Variants in NEMP2 observed in about 807,000 individuals in gnomAD.
NEMP2 encodes nuclear envelope integral membrane protein 2, also known as UPF0571 transmembrane protein.
In NEMP2, 53 loss-of-function variants were observed where a neutral mutation model predicts 54.2. The observed-to-expected ratio is 0.98, with a 90% CI of 0.78 to 1.23. NEMP2 has a LOEUF of 1.23. Among genes scored for constraint, NEMP2 ranks in the 50% most tolerant of loss-of-function variants. The pLI is 0.00. For missense variants in NEMP2, 455 were observed against 511.3 expected (o/e 0.89, Z 1.06); for synonymous variants, 197 against 190.3 (o/e 1.04, Z -0.29).
chr2:190,566,170 A>C, the NEMP2 span, among the ~76,000 whole-genome samples: 2 of 152,242 alleles, frequency 1.3e-5, no homozygotes, highest in African/African-American at 4.8e-5. Context: ...ATAATGGTCC[A>C]TCACAAACAT....
the NEMP2 span, among the ~76,000 whole-genome samples, chr2:190,564,296 C>T: frequency 6.6e-6 from 1 of 152,056 alleles, no homozygotes; most frequent in African/African-American, 2.4e-5. The surrounding 1 kb of genome is among the most constrained non-coding windows in gnomAD (Gnocchi z 4.2). Flanking sequence ...AACCATTTGT[C>T]CTTCTCTTTT....
chr2:190,523,741 G>A lies in NEMP2; in HGVS notation c.213+1522C>T, dbSNP rs1314564977. On this transcript the variant is annotated intron_variant, in intron 2 of 8. Transcript: ENST00000409150. The surrounding 1 kb of genome is among the most constrained non-coding windows in gnomAD (Gnocchi z 5.3). ...GAAGGACACAGGAGCTAGTTTGAAGGGGCCCTGACTGGCTAAATCTAGGAC... is the reference window on the plus strand; with the variant it reads ...GAAGGACACAGGAGCTAGTTTGAAGAGGCCCTGACTGGCTAAATCTAGGAC... Among the ~76,000 whole-genome samples the A allele has an allele frequency of 1.3e-5, 2 of 152,090 alleles. No individual in the cohort carries two copies. Among genetic ancestry groups the A allele is most frequent in the Non-Finnish European group, 2.9e-5 (2 of 68,014 alleles).
chr2:190,500,318 C>A, downstream of NEMP2: 2 of 1,218,778 alleles, frequency 1.6e-6, no homozygotes, highest in Non-Finnish European at 2.4e-6. This position sits in a 1 kb window ranked among gnomAD's most constrained non-coding sequence, Gnocchi z 5.3. Flanking sequence ...TGGAGGAGCA[C>A]AGCACTGCAT....
At chr2:190,643,506 A>G in the NEMP2 span, among the ~76,000 whole-genome samples, 1 of 152,230 alleles carries the variant, frequency 6.6e-6, no homozygotes, top group Non-Finnish European at 1.5e-5. Context: ...TTACCTAAAC[A>G]GGTAATTTTA....
chr2:190,502,797 G>C (rs571989187), downstream of NEMP2, among the ~76,000 whole-genome samples: 12 of 152,352 alleles, frequency 7.9e-5, no homozygotes, highest in East Asian at 5.8e-4. The surrounding 1 kb of genome is among the most constrained non-coding windows in gnomAD (Gnocchi z 4.4). Context: ...TTGGGTGCTT[G>C]TAGTGTGCTG....
chr2:190,583,047 A>G, the NEMP2 span, among the ~76,000 whole-genome samples: 1 of 152,182 alleles, frequency 6.6e-6, no homozygotes, highest in Admixed American at 6.6e-5. Flanking sequence ...GTGAGAAGTC[A>G]TAGATTATAA....
chr2:190,529,871 C>A lies in NEMP2; in HGVS notation c.98-4493G>T, dbSNP rs1691079363. 1.3e-5 allele frequency among the ~76,000 whole-genome samples: 2 copies of A among 152,186 alleles called. No homozygotes were observed. The highest frequency in any genetic ancestry group is 6.5e-5 in the Admixed American group (1 of 15,288). ...TGCCACTGCCATCCCATTTACAGAA[C>A]TGACAAAGCATGAGGGCCAGTCTGG... is the stretch of plus-strand genomic sequence containing the variant. On this transcript the variant is annotated intron_variant, in intron 1 of 8. Coordinates refer to ENST00000409150, the MANE Select transcript of NEMP2 (RefSeq NM_001142645.2). This position sits in a 1 kb window ranked among gnomAD's most constrained non-coding sequence, Gnocchi z 4.7.
chr2:190,600,347 T>G, the NEMP2 span, among the ~76,000 whole-genome samples: 148 of 152,290 alleles, frequency 9.7e-4, no homozygotes, highest in African/African-American at 3.3e-3. The surrounding 1 kb of genome is among the most constrained non-coding windows in gnomAD (Gnocchi z 4.9). Context: ...GTGTTAGTCT[T>G]AGAATGAGGC....
the NEMP2 span, among the ~76,000 whole-genome samples, chr2:190,552,015 G>A: frequency 7.9e-5 from 12 of 152,264 alleles, no homozygotes; most frequent in South Asian, 8.3e-4. Context: ...AAGGGAGCCC[G>A]GGCAGGTCAT....
At chr2:190,490,380 G>A in the NEMP2 span, among the ~76,000 whole-genome samples, 1 of 151,938 alleles carries the variant, frequency 6.6e-6, no homozygotes, top group African/African-American at 2.4e-5. The surrounding 1 kb of genome is among the most constrained non-coding windows in gnomAD (Gnocchi z 4.5). Flanking sequence ...TGGCTAACAC[G>A]GTGAAACCCC....
the NEMP2 span, among the ~76,000 whole-genome samples, chr2:190,472,286 T>C: frequency 2.6e-5 from 4 of 151,972 alleles, no homozygotes; most frequent in Non-Finnish European, 5.9e-5. Flanking sequence ...ATCAAACTAC[T>C]CCGAGCTAAA....
chr2:190,615,220 G>A, the NEMP2 span, among the ~76,000 whole-genome samples: 3 of 152,112 alleles, frequency 2.0e-5, no homozygotes, highest in Non-Finnish European at 4.4e-5. The surrounding 1 kb of genome is among the most constrained non-coding windows in gnomAD (Gnocchi z 4.7). Flanking sequence ...CACAAGCTCC[G>A]GGTTGGCACC....
chr2:190,495,354 T>TA, the NEMP2 span, among the ~76,000 whole-genome samples: 3 of 152,050 alleles, frequency 2.0e-5, no homozygotes, highest in Non-Finnish European at 1.5e-5. This position sits in a 1 kb window ranked among gnomAD's most constrained non-coding sequence, Gnocchi z 4.7. Context: ...ATACATGACA[T>TA]ACACAAATGG....
At chr2:190,498,747 C>G in the NEMP2 span, among the ~76,000 whole-genome samples, 1 of 152,198 alleles carries the variant, frequency 6.6e-6, no homozygotes, top group Non-Finnish European at 1.5e-5. The surrounding 1 kb of genome is among the most constrained non-coding windows in gnomAD (Gnocchi z 5.9). Context: ...TTAATATCTG[C>G]TGCTTGAGTA....
the NEMP2 span, among the ~76,000 whole-genome samples, chr2:190,490,733 A>G: frequency 1.3e-5 from 2 of 152,216 alleles, no homozygotes; most frequent in Non-Finnish European, 2.9e-5. The surrounding 1 kb of genome is among the most constrained non-coding windows in gnomAD (Gnocchi z 4.5). Context: ...GTCAACCAGG[A>G]GGATGAAAAT....
the NEMP2 span, among the ~76,000 whole-genome samples, chr2:190,572,843 A>ATATG: frequency 2.3e-5 from 2 of 85,974 alleles, no homozygotes; most frequent in African/African-American, 4.3e-5. Flanking sequence ...GTATATATAT[A>ATATG]TATATATATA....
At chr2:190,576,682 G>A in the NEMP2 span, among the ~76,000 whole-genome samples, 5 of 152,018 alleles carry the variant, frequency 3.3e-5, no homozygotes, top group Admixed American at 2.0e-4. Flanking sequence ...GACTTGTTTC[G>A]TATGTGTTTT....
chr2:190,548,784 C>T, the NEMP2 span, among the ~76,000 whole-genome samples: 1 of 152,192 alleles, frequency 6.6e-6, no homozygotes, highest in Admixed American at 6.5e-5. Flanking sequence ...GGTTATTATA[C>T]AGCAGACATG....
chr2:190,563,316 G>T, the NEMP2 span, among the ~76,000 whole-genome samples: 1 of 152,094 alleles, frequency 6.6e-6, no homozygotes, highest in African/African-American at 2.4e-5. The surrounding 1 kb of genome is among the most constrained non-coding windows in gnomAD (Gnocchi z 4.3). Context: ...CTTCTTGTTT[G>T]TTCTCCCACA....
Sources: gnomAD v4.1 joint callset for allele counts (sites outside exome capture counted in the v4.1 genomes callset) on GRCh38, gnomAD v4.1.1 for gene constraint, Gnocchi (gnomAD v3.1) non-coding constraint, MANE v1.5 for transcripts, NCBI Gene and HGNC (gene_info 2026-07-23, HGNC 2026-07-21) for gene names.